The following ACO2 variants were observed in gnomAD, a reference collection of about 807,000 sequenced individuals.
The protein encoded by ACO2 is aconitate hydratase, mitochondrial.
ACO2 carries 31 observed loss-of-function variants against 84.5 expected under a neutral mutation model. The observed-to-expected ratio is 0.37, with a 90% CI of 0.28 to 0.50. The LOEUF (loss-of-function observed/expected upper bound fraction) is 0.50, where lower values mean the gene tolerates loss of function less well. Ranked by LOEUF, ACO2 falls within the 20% of genes least tolerant of loss-of-function variation. The pLI, the probability that ACO2 is intolerant of heterozygous loss-of-function variation, is 0.97. For missense variants in ACO2, 685 were observed against 1,029.3 expected, an observed-to-expected ratio of 0.67 and a Z score of 4.58; for synonymous variants, 414 against 412.7, an observed-to-expected ratio of 1.00 and a Z score of -0.04.
intron 9 of ACO2, among the ~76,000 whole-genome samples, chr22:41,522,398 C>T (rs1036083793): frequency 6.6e-6 from 1 of 152,150 alleles, no homozygotes; most frequent in Non-Finnish European, 1.5e-5. Context: ...GTTTTATAGA[C>T]TTTTTAAAAA....
intron 1 of ACO2, among the ~76,000 whole-genome samples, chr22:41,495,957 A>G (rs2066310483): frequency 6.6e-6 from 1 of 152,084 alleles, no homozygotes; most frequent in African/African-American, 2.4e-5. Flanking sequence ...TTGTAAAAAT[A>G]AAGAAACAGG....
chr22:41,527,167 C>T lies in ACO2; in HGVS notation c.1954-121C>T, dbSNP rs1292387463. ...GCAGGCGAGGAAGGGCCCCTCCAGC[C>T]CCTTTACCGGGAGCCTCAGGATGCC... is the stretch of plus-strand genomic sequence containing the variant. On this transcript the variant is annotated intron_variant, in intron 15 of 17. Transcript: ENST00000216254. 3.1e-5 allele frequency: 46 copies of T among 1,475,278 alleles called. No homozygotes were observed. The Admixed American group carries it at 7.6e-4, about 24-fold the overall frequency. The allele number at this position is 1,475,278 out of a possible 1,614,324, so 91.4% of individuals were successfully genotyped here. A position where few individuals can be genotyped will look rare whatever the true frequency, so the allele number is the denominator to read the frequency against.
At chr22:41,517,431 C>A in intron 6 of ACO2, 96 bp from the exon 7 acceptor site, 1 of 944,932 alleles carries the variant, frequency 1.1e-6, no homozygotes, top group Non-Finnish European at 1.7e-6. Context: ...AGAAGCAATG[C>A]AGCTCCCTGG....
At chr22:41,526,177 G>A (rs1486883785) in intron 14 of ACO2, 85 bp from the exon 15 acceptor site, 1 of 1,290,900 alleles carries the variant, frequency 7.7e-7, no homozygotes, top group Non-Finnish European at 1.1e-6. Context: ...TGGGCCCCGG[G>A]GCCTGCTGCC....
rs760073057 is a variant in ACO2 at position 41,527,320 on chromosome 22, C to T, written c.1986C>T (p.Asp662=). The T allele has an allele frequency of 5.1e-5, 82 of 1,614,130 alleles. No individual in the cohort carries two copies. The highest frequency in any genetic ancestry group is 5.0e-4 in the Middle Eastern group (3 of 6,060). ...GCATCAGGTGGGTGGTGATCGGAGA[C>T]GAGAACTACGGCGAGGGCTCGAGCC... The part of the protein sequence containing the change: ...KHGIRWVVIG[D]ENYGEGSSRE... Residue 662 remains aspartate (D), a synonymous_variant, in exon 16 of 18, where the codon GAC becomes GAT. Coordinates refer to ENST00000216254, the MANE Select transcript of ACO2 (RefSeq NM_001098.3).
At chr22:41,499,578 G>A in intron 1 of ACO2, 148 bp from the exon 2 acceptor site, 1 of 852,102 alleles carries the variant, frequency 1.2e-6, no homozygotes, top group South Asian at 1.7e-5. Context: ...TGTCATCCCT[G>A]TCCTGCAGAT....
At position 41,526,165 on chromosome 22, in the gene ACO2, C is replaced by T. The variant is rs918008829; in HGVS notation, c.1762-97C>T. 7.0e-6 allele frequency: 8 copies of T among 1,149,274 alleles called. No individual in the cohort carries two copies. The African/African-American group carries it at 1.2e-4, about 18-fold the overall frequency. 71.2% of individuals were successfully genotyped at this position (1,149,274 alleles called of 1,614,324 possible). ...TGCCTCTCACCCCTCTGTCACCCCT[C>T]CTGGGCCCCGGGGCCTGCTGCCTGC... On this transcript the variant is annotated intron_variant, in intron 14 of 17. Coordinates refer to ENST00000216254, the MANE Select transcript of ACO2 (RefSeq NM_001098.3).
chr22:41,483,222 GT>G (rs952193377), intron 1 of ACO2, among the ~76,000 whole-genome samples: 2 of 152,210 alleles, frequency 1.3e-5, no homozygotes, highest in African/African-American at 4.8e-5. Context: ...AAATTTTCCC[GT>G]TTCCCAGTTT....
rs78918284 is a variant in ACO2, at chr22:41,480,951, G to C, written c.36+11769G>C. Among the ~76,000 whole-genome samples the C allele has an allele frequency of 2.0e-3, 302 of 152,248 alleles. 3 individuals are homozygous for C. Among genetic ancestry groups the C allele is most frequent in the African/African-American group, 6.9e-3 (287 of 41,546 alleles). On this transcript the variant is annotated intron_variant, in intron 1 of 17. Transcript: ENST00000216254. The stretch of plus-strand genomic sequence containing the variant: ...CCACCTCAGTCTCCTGAGTAGCTCA[G>C]ACTATAGACACAGGCTAATTTTTGT...
intron 2 of ACO2, among the ~76,000 whole-genome samples, chr22:41,503,253 AT>A (rs947401144): frequency 4.0e-5 from 6 of 151,186 alleles, no homozygotes; most frequent in Admixed American, 2.0e-4. Flanking sequence ...AGTCCAATAA[AT>A]TTTTTTCTTT....
chr22:41,503,548 C>A (rs1309722400), intron 2 of ACO2, among the ~76,000 whole-genome samples: 2 of 152,060 alleles, frequency 1.3e-5, no homozygotes, highest in Non-Finnish European at 2.9e-5. Context: ...CCGGGATGGT[C>A]TCAATCTCCT....
At chr22:41,474,592 CTTTTTTTTTT>C (rs34289556) in intron 1 of ACO2, among the ~76,000 whole-genome samples, 1 of 29,694 alleles carries the variant, frequency 3.4e-5, no homozygotes, top group African/African-American at 1.5e-4. Context: ...TGCGCCTAGC[CTTTTTTTTTT>C]TTTTTTTTTT....
In ACO2 at chr22:41,525,546, G is replaced by A. The variant is rs5996035; in HGVS notation, c.1761+198G>A. On this transcript the variant is annotated intron_variant, in intron 14 of 17. Coordinates refer to ENST00000216254, the MANE Select transcript of ACO2 (RefSeq NM_001098.3). ...CCCCTTCTCTGTGGCCCCGAACTGG[G>A]CAGAGCTAGATCTGGCCAGCCTCCG... 2.3e-3 allele frequency among the ~76,000 whole-genome samples: 346 copies of A among 152,354 alleles called. 3 individuals are homozygous for A. Among genetic ancestry groups the A allele is most frequent in the African/African-American group, 7.9e-3 (330 of 41,588 alleles).
At chr22:41,507,478 G>T (rs530745675) in intron 2 of ACO2, among the ~76,000 whole-genome samples, 1 of 152,192 alleles carries the variant, frequency 6.6e-6, no homozygotes, top group African/African-American at 2.4e-5. Context: ...CGGGGACTTA[G>T]TAGGAATTAC....
chr22:41,509,924 C>T (rs961481614), intron 3 of ACO2, among the ~76,000 whole-genome samples: 2 of 151,458 alleles, frequency 1.3e-5, no homozygotes, highest in African/African-American at 2.4e-5. Context: ...CAACCTCCGC[C>T]TCCTGGGTTC....
At chr22:41,510,547 G>A (rs2146118738) in intron 3 of ACO2, among the ~76,000 whole-genome samples, 1 of 152,292 alleles carries the variant, frequency 6.6e-6, no homozygotes, top group Admixed American at 6.5e-5. Flanking sequence ...CTCATCAAGG[G>A]TCCGAGGGCA....
chr22:41,501,975 C>A (rs1444387964), intron 2 of ACO2, among the ~76,000 whole-genome samples: 2 of 152,132 alleles, frequency 1.3e-5, no homozygotes. Flanking sequence ...TATTTCTGTT[C>A]TCAACAACCC....
chr22:41,483,656 TAA>T (rs112836153), intron 1 of ACO2, among the ~76,000 whole-genome samples: 22 of 133,586 alleles, frequency 1.6e-4, no homozygotes, highest in Admixed American at 1.5e-4. Flanking sequence ...GACTCCGTCT[TAA>T]AAAAAAAAAA....
intron 1 of ACO2, among the ~76,000 whole-genome samples, chr22:41,478,717 A>ATCTAGAGT (rs755505271): frequency 1.5e-4 from 22 of 150,174 alleles, no homozygotes; most frequent in Non-Finnish European, 2.5e-4. Flanking sequence ...CCAAAGAGGT[A>ATCTAGAGT]TCTAGAGTTC....
Sources: allele counts gnomAD v4.1 joint callset (sites outside exome capture counted in the v4.1 genomes callset), GRCh38; gene constraint gnomAD v4.1.1; transcripts MANE v1.5; gene names NCBI Gene and HGNC (gene_info 2026-07-23, HGNC 2026-07-21).